Variants in CHRM5 observed in about 807,000 individuals in gnomAD.
CHRM5 encodes cholinergic receptor muscarinic 5, also known as muscarinic acetylcholine receptor M5.
In CHRM5, 18 loss-of-function variants were observed where a neutral mutation model predicts 39.0. The observed-to-expected ratio is 0.46, with a 90% confidence interval of 0.32 to 0.68. The LOEUF (loss-of-function observed/expected upper bound fraction) is 0.68, where lower values mean the gene tolerates loss of function less well. CHRM5 is among the 30% of genes least tolerant of loss of function. CHRM5 has a pLI of 0.04. For missense variants in CHRM5, 515 were observed against 651.1 expected, an observed-to-expected ratio of 0.79 and a Z score of 2.28; for synonymous variants, 241 against 246.3, an observed-to-expected ratio of 0.98 and a Z score of 0.20.
intron 1 of CHRM5, among the ~76,000 whole-genome samples, chr15:34,016,718 G>A (rs1182495257): frequency 6.6e-6 from 1 of 152,136 alleles, no homozygotes; most frequent in Non-Finnish European, 1.5e-5. Flanking sequence ...CCCTTCTCTG[G>A]TGAGTGGTCC....
At chr15:33,985,787 C>G (rs1277138862) in intron 1 of CHRM5, among the ~76,000 whole-genome samples, 1 of 152,112 alleles carries the variant, frequency 6.6e-6, no homozygotes, top group African/African-American at 2.4e-5. Flanking sequence ...GCCATGTACG[C>G]AGTCACTTAA....
intron 1 of CHRM5, among the ~76,000 whole-genome samples, chr15:33,981,043 T>C (rs1407566553): frequency 6.6e-6 from 1 of 151,908 alleles, no homozygotes; most frequent in African/African-American, 2.4e-5. Flanking sequence ...GAGGTCACAC[T>C]GAGTTTTTAT....
intron 1 of CHRM5, among the ~76,000 whole-genome samples, chr15:34,010,049 T>C (rs1210267971): frequency 2.6e-5 from 4 of 151,922 alleles, no homozygotes; most frequent in Non-Finnish European, 4.4e-5. Context: ...AAGCAAAAAC[T>C]GACAGAATAG....
intron 1 of CHRM5, chr15:34,038,762 C>A: frequency 8.6e-7 from 1 of 1,163,756 alleles, no homozygotes; most frequent in South Asian, 4.0e-5. Context: ...CCCAGCCCCA[C>A]CAGCCGTCGC....
intron 2 of CHRM5, among the ~76,000 whole-genome samples, chr15:34,051,160 C>A (rs190439003): frequency 6.6e-6 from 1 of 152,082 alleles, no homozygotes; most frequent in South Asian, 2.1e-4. Flanking sequence ...CAGACCACAG[C>A]GCAATCAAAT....
intron 1 of CHRM5, among the ~76,000 whole-genome samples, chr15:33,986,112 T>C (rs75303999): frequency 9.6e-6 from 1 of 103,918 alleles, no homozygotes; most frequent in Non-Finnish European, 2.2e-5. Flanking sequence ...TTGTTTTTTG[T>C]TTTTTGTTTT....
chr15:34,041,184 C>A (rs1478889831), intron 1 of CHRM5, among the ~76,000 whole-genome samples: 1 of 152,102 alleles, frequency 6.6e-6, no homozygotes, highest in Non-Finnish European at 1.5e-5. Flanking sequence ...CCACTAGATG[C>A]CAGAATGAAC....
chr15:34,036,138 C>G (rs1232767972), intron 1 of CHRM5, among the ~76,000 whole-genome samples: 1 of 151,790 alleles, frequency 6.6e-6, no homozygotes, highest in South Asian at 2.1e-4. Context: ...GTATCTAGTA[C>G]AATAATGCTT....
At chr15:34,033,638 A>G (rs1898968926) in intron 1 of CHRM5, among the ~76,000 whole-genome samples, 1 of 152,234 alleles carries the variant, frequency 6.6e-6, no homozygotes, top group Non-Finnish European at 1.5e-5. Flanking sequence ...CATTTATTAC[A>G]GGAAGACATG....
Position 34,063,865 on chromosome 15 carries a change from T to C in CHRM5, c.1148T>C (p.Leu383Ser). The part of the protein sequence containing the change: ...SQKCVAYKFR[L>S]VVKADGNQET... The stretch of plus-strand genomic sequence containing the variant: ...AAATGTGTGGCCTATAAGTTCCGAT[T>C]GGTGGTAAAAGCTGACGGGAACCAG... The change falls in exon 3 of 3, where the codon TTG becomes TCG. Residue 383 changes from leucine to serine, a missense_variant. By Grantham distance (145) the Leu-to-Ser change is moderately radical. Coordinates refer to ENST00000383263, the MANE Select transcript of CHRM5 (RefSeq NM_012125.4). The surrounding 1 kb of genome is among the most constrained non-coding windows in gnomAD (Gnocchi z 4.1). 1 of 1,614,130 alleles carries C rather than the reference T, an allele frequency of 6.2e-7. No homozygotes were observed. The highest frequency in any genetic ancestry group is 8.5e-7 in the Non-Finnish European group (1 of 1,180,028).
At chr15:34,052,228 C>G (rs1264723536) in intron 2 of CHRM5, among the ~76,000 whole-genome samples, 1 of 151,908 alleles carries the variant, frequency 6.6e-6, no homozygotes, top group Non-Finnish European at 1.5e-5. Context: ...ATCACATAAA[C>G]AGAACTAAAG....
intron 1 of CHRM5, among the ~76,000 whole-genome samples, chr15:34,036,227 G>T (rs1381667544): frequency 6.6e-6 from 1 of 152,104 alleles, no homozygotes; most frequent in Non-Finnish European, 1.5e-5. Flanking sequence ...CAGAAGGAAT[G>T]ATTTAAGAGC....
At chr15:34,023,377 C>T (rs1001008998) in intron 1 of CHRM5, among the ~76,000 whole-genome samples, 1 of 152,226 alleles carries the variant, frequency 6.6e-6, no homozygotes. Flanking sequence ...TGGCCGAGTC[C>T]TCCCTAGTAA....
intron 1 of CHRM5, among the ~76,000 whole-genome samples, chr15:33,983,156 G>GTA (rs1340063138): frequency 1.1e-3 from 111 of 102,448 alleles, no homozygotes; most frequent in African/African-American, 5.0e-3. Context: ...GTGTGTGTGT[G>GTA]TGTATGTGTG....
At position 34,063,740 on chromosome 15, in the gene CHRM5, G is replaced by A. The variant is rs1385024940; in HGVS notation, c.1023G>A (p.Glu341=). 6.2e-7 allele frequency: 1 copy of A among 1,614,108 alleles called. No homozygotes were observed. Among genetic ancestry groups the A allele is most frequent in the African/African-American group, 1.3e-5 (1 of 74,932 alleles). ...CAGGGGAAGAATTCAGTGCTGAAGA[G>A]ACTGAGGAAACTTTTGTGAAAGCTG... ...ESPGEEFSAE[E]TEETFVKAET... Residue 341 remains glutamate, a synonymous_variant, in exon 3 of 3, where the codon GAG becomes GAA. Transcript: ENST00000383263. The surrounding 1 kb of genome is among the most constrained non-coding windows in gnomAD (Gnocchi z 4.1).
At chr15:34,014,433 C>T (rs1366795504) in intron 1 of CHRM5, among the ~76,000 whole-genome samples, 1 of 138,428 alleles carries the variant, frequency 7.2e-6, no homozygotes, top group African/African-American at 2.8e-5. Context: ...GCAGCAGCAG[C>T]AGTATGGTTT....
intron 1 of CHRM5, among the ~76,000 whole-genome samples, chr15:33,978,386 G>A (rs903849423): frequency 2.0e-5 from 3 of 152,106 alleles, no homozygotes; most frequent in Non-Finnish European, 4.4e-5. Context: ...CGTACAGGCC[G>A]GGCACGATGG....
intron 1 of CHRM5, among the ~76,000 whole-genome samples, chr15:33,983,209 TATATAC>T (rs1170206937): frequency 9.7e-5 from 4 of 41,036 alleles, no homozygotes; most frequent in East Asian, 1.2e-3. Flanking sequence ...TGTATATATA[TATATAC>T]ATATATATAC....
intron 1 of CHRM5, among the ~76,000 whole-genome samples, chr15:33,975,968 A>G (rs116467312): frequency 0.015 from 2,210 of 152,266 alleles, 51 homozygotes; most frequent in African/African-American, 0.05. Context: ...GGTCCCTTGC[A>G]TAATATTCTA....
Sources: allele counts gnomAD v4.1 joint callset (sites outside exome capture counted in the v4.1 genomes callset), GRCh38; gene constraint gnomAD v4.1.1; non-coding constraint Gnocchi (gnomAD v3.1); transcripts MANE v1.5; gene names NCBI Gene and HGNC (gene_info 2026-07-23, HGNC 2026-07-21).